The following AUTS2 variants were observed in gnomAD, a reference collection of about 807,000 sequenced individuals.
AUTS2 encodes autism susceptibility gene 2 protein.
Under a neutral mutation model 112.4 loss-of-function variants are expected in AUTS2, and 17 were observed. That is an observed-to-expected ratio of 0.15 (90% confidence interval 0.10 to 0.23). The LOEUF (loss-of-function observed/expected upper bound fraction) is 0.23, where lower values mean the gene tolerates loss of function less well. Among genes scored for constraint, AUTS2 ranks in the 10% least tolerant of loss-of-function variants. The pLI is 1.00. For missense variants in AUTS2, 1,510 were observed against 1,701.6 expected, an observed-to-expected ratio of 0.89 and a Z score of 1.98; for synonymous variants, 751 against 702.7, an observed-to-expected ratio of 1.07 and a Z score of -1.09.
At chr7:70,277,620 G>T (rs993839615) in intron 4 of AUTS2, among the ~76,000 whole-genome samples, 2 of 152,152 alleles carry the variant, frequency 1.3e-5, no homozygotes, top group African/African-American at 4.8e-5. Context: ...TACGGGGGGA[G>T]ATTTTATTTT....
chr7:69,876,325 C>CAAAA (rs1167965776), intron 1 of AUTS2, among the ~76,000 whole-genome samples: 3 of 26,172 alleles, frequency 1.1e-4, no homozygotes, highest in Admixed American at 9.4e-4. Flanking sequence ...GACTCTGTCT[C>CAAAA]AAAAAAAAAA....
chr7:70,490,794 A>G (rs943239216), intron 5 of AUTS2, among the ~76,000 whole-genome samples: 3 of 152,234 alleles, frequency 2.0e-5, no homozygotes, highest in Non-Finnish European at 4.4e-5. Flanking sequence ...TCTCATGGAT[A>G]TCAAAACTGA....
intron 5 of AUTS2, among the ~76,000 whole-genome samples, chr7:70,580,183 C>T (rs1022345998): frequency 1.3e-5 from 2 of 152,194 alleles, no homozygotes; most frequent in South Asian, 2.1e-4. Flanking sequence ...ACGTACTAGA[C>T]GGTTTCACTC....
chr7:69,718,767 G>A (rs1798756247), intron 1 of AUTS2, among the ~76,000 whole-genome samples: 1 of 152,058 alleles, frequency 6.6e-6, no homozygotes, highest in Admixed American at 6.6e-5. Context: ...ACCTGTTACA[G>A]TAGGGTGGAC....
At position 70,122,995 on chromosome 7, in the gene AUTS2, C is replaced by T. The variant is rs1324836862; in HGVS notation, c.624+4762C>T. Reference sequence around the variant, plus strand: ...GGTTCAAGCGATTCTCCTGCCTCAGCCTCCTGAGTAGCTGGGATTACAGGC... The same window carrying T: ...GGTTCAAGCGATTCTCCTGCCTCAGTCTCCTGAGTAGCTGGGATTACAGGC... On this transcript the variant is annotated intron_variant, in intron 3 of 18. Transcript: ENST00000342771. 3.3e-5 allele frequency among the ~76,000 whole-genome samples: 5 copies of T among 151,932 alleles called. No individual in the cohort carries two copies. In the East Asian group the frequency reaches 9.7e-4, roughly 29 times the overall value.
chr7:70,562,887 T>A (rs1187002332), intron 5 of AUTS2, among the ~76,000 whole-genome samples: 1 of 152,178 alleles, frequency 6.6e-6, no homozygotes, highest in Non-Finnish European at 1.5e-5. Context: ...CGGTGTCCAA[T>A]GAACTGTTGA....
intron 1 of AUTS2, among the ~76,000 whole-genome samples, chr7:69,668,926 G>A (rs1028833842): frequency 1.3e-5 from 2 of 151,988 alleles, no homozygotes; most frequent in African/African-American, 4.8e-5. Context: ...TCATTTGTTG[G>A]TAGTAGCAAT....
intron 4 of AUTS2, among the ~76,000 whole-genome samples, chr7:70,311,497 C>T (rs1209691594): frequency 6.6e-6 from 1 of 152,198 alleles, no homozygotes; most frequent in Non-Finnish European, 1.5e-5. Context: ...AGAATGGGTG[C>T]TGAATTCTGT....
intron 3 of AUTS2, among the ~76,000 whole-genome samples, chr7:70,123,061 G>C (rs1429918784): frequency 6.6e-6 from 1 of 151,702 alleles, no homozygotes; most frequent in East Asian, 1.9e-4. Flanking sequence ...ATTTTTAGTA[G>C]AGATGGGCTT....
intron 1 of AUTS2, chr7:69,643,330 A>G (rs1016316070): frequency 3.3e-5 from 5 of 153,716 alleles, no homozygotes; most frequent in African/African-American, 1.2e-4. Context: ...CCCACGCTCA[A>G]GGTGAGATGA....
chr7:70,298,958 A>G (rs1789072885), intron 4 of AUTS2, among the ~76,000 whole-genome samples: 1 of 152,216 alleles, frequency 6.6e-6, no homozygotes, highest in Admixed American at 6.5e-5. Flanking sequence ...GCACACACAG[A>G]CACACACTTT....
At chr7:69,747,784 G>GGTGTGT (rs10695531) in intron 1 of AUTS2, among the ~76,000 whole-genome samples, 28,802 of 144,334 alleles carry the variant, frequency 0.2, 3,002 homozygotes, top group African/African-American at 0.23. Flanking sequence ...GAAGGAGAGG[G>GGTGTGT]GTGTGTGTGT....
intron 2 of AUTS2, among the ~76,000 whole-genome samples, chr7:70,093,850 A>G (rs776499038): frequency 3.3e-5 from 5 of 152,240 alleles, no homozygotes; most frequent in African/African-American, 4.8e-5. Context: ...GAATTTACCC[A>G]GAATTTATTT....
intron 4 of AUTS2, among the ~76,000 whole-genome samples, chr7:70,213,471 A>G (rs1298019996): frequency 6.6e-6 from 1 of 151,124 alleles, no homozygotes; most frequent in Non-Finnish European, 1.5e-5. Context: ...AGGAGTTTGA[A>G]GTTGCAGGAA....
intron 1 of AUTS2, among the ~76,000 whole-genome samples, chr7:69,627,431 C>T (rs2851489): frequency 0.62 from 93,445 of 151,816 alleles, 29,063 homozygotes; most frequent in East Asian, 0.7. Flanking sequence ...GCGGAGGTTG[C>T]GGTGAACTGA....
In AUTS2 at chr7:69,787,967, A is replaced by G. The variant is rs771395436; in HGVS notation, c.310-111319A>G. On this transcript the variant is annotated intron_variant, in intron 1 of 18. Transcript: ENST00000342771. The stretch of plus-strand genomic sequence containing the variant: ...TTAAGGACAGATTTTTCAGAGGGGC[A>G]TTATTCTCACTGGCATTCCTTCCCT... Among the ~76,000 whole-genome samples, 102 of 152,326 alleles carry G rather than the reference A, an allele frequency of 6.7e-4. 1 individual carries two copies. In the Middle Eastern group the frequency reaches 0.014, roughly 20 times the overall value.
chr7:69,902,869 C>T (rs374288090), intron 2 of AUTS2, among the ~76,000 whole-genome samples: 2 of 152,268 alleles, frequency 1.3e-5, no homozygotes, highest in African/African-American at 4.8e-5. Context: ...TACATACTGC[C>T]TTAGAAGATG....
intron 4 of AUTS2, among the ~76,000 whole-genome samples, chr7:70,250,393 C>A (rs1394779889): frequency 6.6e-6 from 1 of 152,206 alleles, no homozygotes; most frequent in Non-Finnish European, 1.5e-5. Context: ...GAGACAGATT[C>A]ACATGGTCAG....
In AUTS2 at chr7:69,974,523, G is replaced by A. The variant is rs1008881168; in HGVS notation, c.522+75025G>A. The stretch of plus-strand genomic sequence containing the variant: ...TGACTCTGAAGGCCTGAGAATGAGG[G>A]GTCCAGTGGCGTAAATCTCTTTTCA... On this transcript the variant is annotated intron_variant, in intron 2 of 18. Transcript: ENST00000342771. Among the ~76,000 whole-genome samples the A allele has an allele frequency of 1.3e-4, 20 of 151,644 alleles. 1 individual carries two copies. The highest frequency in any genetic ancestry group is 4.8e-4 in the African/African-American group (20 of 41,254).
Sources: allele counts gnomAD v4.1 joint callset (sites outside exome capture counted in the v4.1 genomes callset), GRCh38; gene constraint gnomAD v4.1.1; transcripts MANE v1.5; gene names NCBI Gene and HGNC (gene_info 2026-07-23, HGNC 2026-07-21).